Variants in GFM2 observed in about 807,000 individuals in gnomAD.
GFM2 encodes the protein GTP dependent ribosome recycling factor mitochondrial 2.
Under a neutral mutation model 95.4 loss-of-function variants are expected in GFM2, and 72 were observed. That is an observed-to-expected ratio of 0.76 (90% CI 0.62 to 0.92). The LOEUF (loss-of-function observed/expected upper bound fraction) is 0.92, where lower values mean the gene tolerates loss of function less well. GFM2 is among the 40% of genes least tolerant of loss of function. The probability of loss-of-function intolerance (pLI) is 0.00; values close to 1 mark genes in which losing one functional copy is unlikely to be tolerated. For synonymous variants in GFM2, 276 were observed against 317.5 expected (o/e 0.87, Z 1.39); for missense variants, 825 against 924.1 (o/e 0.89, Z 1.39).
At chr5:74,736,673 T>A in intron 15 of GFM2, 123 bp downstream of exon 15, 1 of 1,490,994 alleles carries the variant, frequency 6.7e-7, no homozygotes, top group Non-Finnish European at 8.9e-7. Flanking sequence ...ACAAGAAATG[T>A]TTACCAATAT....
In GFM2 at chr5:74,758,876, A is replaced by G. The variant is rs863224038; in HGVS notation, c.277T>C (p.Tyr93His). Residue 93 changes from tyrosine (Y) to histidine (H), a missense_variant, in exon 5 of 21, where the codon TAT (tyrosine) becomes CAT (histidine). Transcript: ENST00000296805. ...CCCAGTGATCTTGTATATCCGGAAT[A>G]GTACAATATTCTTTCTGTGGTGGTA... ...KTTTTERILY[Y>H]SGYTRSLGDV... is the part of the protein sequence containing the mutation. The G allele has an allele frequency of 1.4e-5, 23 of 1,604,780 alleles. No individual in the cohort carries two copies. In the Admixed American group the frequency reaches 3.3e-4, roughly 23 times the overall value.
chr5:74,727,036 T>G (rs1490796508), intron 17 of GFM2, among the ~76,000 whole-genome samples: 1 of 152,056 alleles, frequency 6.6e-6, no homozygotes. Flanking sequence ...AGTATGGTAG[T>G]GCACACCTGT....
At chr5:74,756,329 C>T (rs1340586387) in intron 5 of GFM2, among the ~76,000 whole-genome samples, 3 of 151,994 alleles carry the variant, frequency 2.0e-5, no homozygotes, top group Non-Finnish European at 4.4e-5. Flanking sequence ...ATCAAAAGCA[C>T]AATGCAATAC....
chr5:74,745,572 C>T, intron 10 of GFM2, 106 bp downstream of exon 10: 9 of 856,300 alleles, frequency 1.1e-5, no homozygotes, highest in South Asian at 6.2e-5. Context: ...TTTTGGTATC[C>T]ACAGGAGGTC....
At chr5:74,748,895 A>T (rs200991935) in intron 7 of GFM2, among the ~76,000 whole-genome samples, 8 of 130,680 alleles carry the variant, frequency 6.1e-5, no homozygotes, top group South Asian at 4.5e-4. Context: ...TAAAATAAAT[A>T]AAATAAAATA....
Position 74,721,602 on chromosome 5 carries a change from CTGAA to C in GFM2, c.*49_*52del. On this transcript the variant is annotated 3_prime_UTR_variant, in exon 21 of 21. Transcript: ENST00000296805. The stretch of plus-strand genomic sequence containing the variant: ...AATAAAGCAATAAAAATTGTTCTTA[CTGAA>C]AATGAAGTAGCTAGGTGCTCCTGAA... 1 of 1,572,290 alleles carries C rather than the reference CTGAA, an allele frequency of 6.4e-7. No individual in the cohort carries two copies. Among genetic ancestry groups the C allele is most frequent in the African/African-American group, 1.4e-5 (1 of 72,962 alleles).
chr5:74,751,609 T>C (rs2112325217), intron 5 of GFM2, 116 bp from the exon 6 acceptor site: 1 of 731,238 alleles, frequency 1.4e-6, no homozygotes, highest in Non-Finnish European at 2.2e-6. Flanking sequence ...CTAAAATATT[T>C]GGTTTAATAG....
rs766559443 is a variant in GFM2 at position 74,741,245 on chromosome 5, G to A, written c.930+284C>T. ...CTAAACATCCTTAGAGGAATTATCA[G>A]AATGAAAAGACTACAGAGAATGAGT... On this transcript the variant is annotated intron_variant, in intron 11 of 20. Transcript: ENST00000296805. Among the ~76,000 whole-genome samples, 5 of 152,188 alleles carry A rather than the reference G, an allele frequency of 3.3e-5. No individual in the cohort carries two copies. In the East Asian group the frequency reaches 7.7e-4, roughly 23 times the overall value.
At chr5:74,759,569 C>G in intron 3 of GFM2, 143 bp from the exon 4 acceptor site, 2 of 525,474 alleles carry the variant, frequency 3.8e-6, no homozygotes. Flanking sequence ...CTAAAATAAA[C>G]TAAAATTTAT....
intron 10 of GFM2, among the ~76,000 whole-genome samples, chr5:74,745,249 G>A (rs1468316233): frequency 6.6e-6 from 1 of 152,192 alleles, no homozygotes; most frequent in African/African-American, 2.4e-5. Flanking sequence ...GGAGGCTGAG[G>A]CAGGAGAATC....
Position 74,746,180 on chromosome 5 carries a change from A to G in GFM2, c.609-15T>C, listed in dbSNP as rs745582310. The stretch of plus-strand genomic sequence containing the variant: ...CATACTTAAAGCTGTAGAAAGCAAA[A>G]TAATTATAGTTAAAAACATGGTTAA... On this transcript the variant is annotated splice_polypyrimidine_tract_variant and intron_variant, in intron 8 of 20. Coordinates refer to ENST00000296805, the MANE Select transcript of GFM2 (RefSeq NM_032380.5). The G allele has an allele frequency of 1.4e-6, 2 of 1,398,274 alleles. No individual in the cohort carries two copies. The highest frequency in any genetic ancestry group is 2.9e-5 in the African/African-American group (2 of 68,588). The allele number at this position is 1,398,274 out of a possible 1,614,324, so 86.6% of individuals were successfully genotyped here.
chr5:74,762,543 ATTTG>A (rs1157545275), intron 2 of GFM2, among the ~76,000 whole-genome samples: 1 of 152,172 alleles, frequency 6.6e-6, no homozygotes, highest in Non-Finnish European at 1.5e-5. Flanking sequence ...TCAGCATATG[ATTTG>A]TTTTTTTCCT....
intron 19 of GFM2, among the ~76,000 whole-genome samples, chr5:74,724,330 A>C (rs953916374): frequency 2.0e-5 from 3 of 152,086 alleles, no homozygotes; most frequent in Non-Finnish European, 4.4e-5. Context: ...ATTTCCAGAG[A>C]AACTTTAAAA....
intron 4 of GFM2, 86 bp from the exon 5 acceptor site, chr5:74,759,032 T>A: frequency 1.3e-6 from 1 of 786,520 alleles, no homozygotes; most frequent in East Asian, 2.6e-5. Context: ...AGCTGGTATT[T>A]CTATAATTTA....
Position 74,721,359 on chromosome 5 carries a change from A to G in GFM2, c.*296T>C. 2.7e-6 allele frequency: 2 copies of G among 740,658 alleles called. No homozygotes were observed. Among genetic ancestry groups the G allele is most frequent in the Non-Finnish European group, 2.4e-6 (1 of 411,010 alleles). 45.9% of individuals were successfully genotyped at this position (740,658 alleles called of 1,614,324 possible). A position where few individuals can be genotyped will look rare whatever the true frequency, so the allele number is the denominator to read the frequency against. ...TTGTGAGACAAGCTTAAGGACACAA[A>G]AGAAACACAACTTTGTGATACCACT... On this transcript the variant is annotated 3_prime_UTR_variant, in exon 21 of 21. Coordinates refer to ENST00000296805, the MANE Select transcript of GFM2 (RefSeq NM_032380.5).
Position 74,726,116 on chromosome 5 carries a change from A to G in GFM2, c.1737T>C (p.Asp579=). The stretch of plus-strand genomic sequence containing the variant: ...GATGCCTTTTGTCTCCTAAAGTTCT[A>G]TCTAAGGTATCTGTAAACAAATTGA... ...LNSVRATDTL[D]RTLGDKRHLV... is the part of the protein sequence containing the mutation. The change falls in exon 18 of 21, where the codon GAT becomes GAC. Residue 579 remains aspartate (D), a synonymous_variant. Transcript: ENST00000296805. 6.2e-7 allele frequency: 1 copy of G among 1,603,488 alleles called. No individual in the cohort carries two copies. The highest frequency in any genetic ancestry group is 1.4e-5 in the African/African-American group (1 of 74,060).
chr5:74,726,172 G>A, intron 17 of GFM2, 46 bp from the exon 18 acceptor site: 2 of 1,440,212 alleles, frequency 1.4e-6, no homozygotes, highest in South Asian at 1.3e-5. Context: ...ATTCTGGAAA[G>A]GTATCAAGGT....
In GFM2 at chr5:74,761,647, C is replaced by T. The variant is rs1201840450; in HGVS notation, c.64-661G>A. 2.6e-5 allele frequency among the ~76,000 whole-genome samples: 4 copies of T among 152,098 alleles called. 1 individual carries two copies. Among genetic ancestry groups the T allele is most frequent in the Non-Finnish European group, 5.9e-5 (4 of 67,992 alleles). On this transcript the variant is annotated intron_variant, in intron 2 of 20. Transcript: ENST00000296805. ...TTAAAAAAAATTCCCAGGGTGTCTC[C>T]AATGTAGCATTCAACTGAGAATCAC...
At chr5:74,742,481 T>A (rs923844180) in intron 10 of GFM2, among the ~76,000 whole-genome samples, 4 of 152,226 alleles carry the variant, frequency 2.6e-5, no homozygotes, top group Non-Finnish European at 5.9e-5. Context: ...TTCTTGAGGC[T>A]GTTATAAAGA....
Sources: gnomAD v4.1 joint callset for allele counts (sites outside exome capture counted in the v4.1 genomes callset) on GRCh38, gnomAD v4.1.1 for gene constraint, MANE v1.5 for transcripts, NCBI Gene and HGNC (gene_info 2026-07-23, HGNC 2026-07-21) for gene names.